The following NAP1L1 variants were observed in gnomAD, a reference collection of about 807,000 sequenced individuals.
The protein encoded by NAP1L1 is nucleosome assembly protein 1 like 1, also known as nucleosome assembly protein 1-like 1.
Under a neutral mutation model 58.9 loss-of-function variants are expected in NAP1L1, and 9 were observed. The observed-to-expected ratio is 0.15, with a 90% CI of 0.09 to 0.27. The LOEUF (loss-of-function observed/expected upper bound fraction) is 0.27, where lower values mean the gene tolerates loss of function less well. Ranked by LOEUF, NAP1L1 falls within the 10% of genes least tolerant of loss-of-function variation. NAP1L1 has a pLI of 1.00. For synonymous variants in NAP1L1, 130 were observed against 138.3 expected (o/e 0.94, Z 0.42); for missense variants, 302 against 458.8 (o/e 0.66, Z 3.12).
In NAP1L1 at chr12:76,044,553, A is replaced by C. The variant is rs1269403603; in HGVS notation, c.*3876T>G. 1 of 152,196 alleles carries C rather than the reference A, an allele frequency of 6.6e-6. No homozygotes were observed. Among genetic ancestry groups the C allele is most frequent in the Non-Finnish European group, 1.5e-5 (1 of 68,030 alleles). 9.4% of individuals were successfully genotyped at this position (152,196 alleles called of 1,614,324 possible). A position where few individuals can be genotyped will look rare whatever the true frequency, so the allele number is the denominator to read the frequency against. On this transcript the variant is annotated 3_prime_UTR_variant, in exon 15 of 15. Coordinates refer to ENST00000618691, the MANE Select transcript of NAP1L1 (RefSeq NM_004537.7). ...CTTGAGGATGACATGGTCGGGCCTC[A>C]ATAAGCCCACTGTAAGTCAAAAATA...
intron 6 of NAP1L1, among the ~76,000 whole-genome samples, chr12:76,058,657 A>AGG (rs1274314349): frequency 3.3e-5 from 5 of 152,144 alleles, no homozygotes; most frequent in African/African-American, 4.8e-5. Flanking sequence ...AAGTGCTGGG[A>AGG]TTACAGGCAT....
rs1326581255 is a variant in NAP1L1, at chr12:76,044,140, A to AAT, written c.*4288_*4289insAT. On this transcript the variant is annotated 3_prime_UTR_variant, in exon 15 of 15. Coordinates refer to ENST00000618691, the MANE Select transcript of NAP1L1 (RefSeq NM_004537.7). ...AACATGGTGAAAACCCATCTCTACTAAAAGTACAAAAATCAGCTGGGCTCA... is the reference window on the plus strand; with the variant it reads ...AACATGGTGAAAACCCATCTCTACTAATAAAGTACAAAAATCAGCTGGGCTCA... The AAT allele has an allele frequency of 1.3e-5, 2 of 152,184 alleles. No homozygotes were observed. The highest frequency in any genetic ancestry group is 2.4e-5 in the African/African-American group (1 of 41,436). 9.4% of individuals were successfully genotyped at this position (152,184 alleles called of 1,614,324 possible). A position where few individuals can be genotyped will look rare whatever the true frequency, so the allele number is the denominator to read the frequency against.
intron 14 of NAP1L1, chr12:76,048,977 TA>T: frequency 1.8e-6 from 1 of 548,130 alleles, no homozygotes; most frequent in Non-Finnish European, 3.2e-6. Context: ...CCTGAAACTA[TA>T]AAAAGCACGA....
At position 76,047,700 on chromosome 12, in the gene NAP1L1, G is replaced by A. The variant is rs1215997545; in HGVS notation, c.*729C>T. 1 of 151,916 alleles carries A rather than the reference G, an allele frequency of 6.6e-6. No individual in the cohort carries two copies. Among genetic ancestry groups the A allele is most frequent in the East Asian group, 1.9e-4 (1 of 5,194 alleles). 9.4% of individuals were successfully genotyped at this position (151,916 alleles called of 1,614,324 possible). A position where few individuals can be genotyped will look rare whatever the true frequency, so the allele number is the denominator to read the frequency against. On this transcript the variant is annotated 3_prime_UTR_variant, in exon 15 of 15. Transcript: ENST00000618691. ...AAATGATGTAAATTCATCCTTTCCA[G>A]GGAAGCAGAAGGTAGACCCTACCAC... is the stretch of plus-strand genomic sequence containing the variant.
intron 4 of NAP1L1, among the ~76,000 whole-genome samples, chr12:76,066,829 G>A (rs1490119513): frequency 6.6e-6 from 1 of 152,000 alleles, no homozygotes; most frequent in Non-Finnish European, 1.5e-5. Flanking sequence ...TCCTTTACAG[G>A]ACATGTACAA....
At chr12:76,078,289 T>G (rs1188416086) in intron 1 of NAP1L1, among the ~76,000 whole-genome samples, 1 of 152,044 alleles carries the variant, frequency 6.6e-6, no homozygotes, top group African/African-American at 2.4e-5. Flanking sequence ...AAGAATAAAT[T>G]CATTCTCCTG....
chr12:76,071,010 CAA>C (rs919373906), intron 2 of NAP1L1, among the ~76,000 whole-genome samples: 49 of 152,222 alleles, frequency 3.2e-4, no homozygotes, highest in African/African-American at 1.1e-3. Context: ...CTATTAAAAA[CAA>C]AACAAACAAA....
intron 4 of NAP1L1, among the ~76,000 whole-genome samples, chr12:76,066,120 A>AT (rs1949656711): frequency 8.5e-6 from 1 of 117,880 alleles, no homozygotes; most frequent in Non-Finnish European, 1.7e-5. Context: ...AAATAAATAA[A>AT]TAAATAAATA....
chr12:76,077,327 T>C (rs1261593672), intron 1 of NAP1L1, among the ~76,000 whole-genome samples: 4 of 152,200 alleles, frequency 2.6e-5, no homozygotes, highest in Non-Finnish European at 2.9e-5. Flanking sequence ...TAGACCTAAT[T>C]TTCTAGTCAG....
rs969876686 is a variant in NAP1L1 at position 76,047,074 on chromosome 12, T to C, written c.*1355A>G. The stretch of plus-strand genomic sequence containing the variant: ...ATCCAGAACAGAGGTACTTAACACC[T>C]TTGTTTTCCAGTTTAGTTATCAAAG... On this transcript the variant is annotated 3_prime_UTR_variant, in exon 15 of 15. Coordinates refer to ENST00000618691, the MANE Select transcript of NAP1L1 (RefSeq NM_004537.7). 2.0e-5 allele frequency: 3 copies of C among 152,484 alleles called. No individual in the cohort carries two copies. Among genetic ancestry groups the C allele is most frequent in the Non-Finnish European group, 2.9e-5 (2 of 67,920 alleles). 9.4% of individuals were successfully genotyped at this position (152,484 alleles called of 1,614,324 possible).
intron 11 of NAP1L1, among the ~76,000 whole-genome samples, chr12:76,051,300 AAAT>A (rs1302740324): frequency 1.1e-4 from 16 of 151,258 alleles, no homozygotes; most frequent in Admixed American, 4.0e-4. Flanking sequence ...TTTCCTTTTA[AAAT>A]ATTATTGAAA....
At chr12:76,056,189 T>C (rs1949075297) in intron 6 of NAP1L1, 28 bp from the exon 7 acceptor site, 1 of 1,600,360 alleles carries the variant, frequency 6.2e-7, no homozygotes. Flanking sequence ...AAACATTATT[T>C]AATACATAGA....
Position 76,059,729 on chromosome 12 carries a change from G to A in NAP1L1, c.429+69C>T, listed in dbSNP as rs533681689. On this transcript the variant is annotated intron_variant, in intron 6 of 14. Transcript: ENST00000618691. ...ATAATATTGTACTCCATCATTAAAT[G>A]CTAACATTTCTGACAAGTCCTAAGA... 9.0e-6 allele frequency: 10 copies of A among 1,107,806 alleles called. No homozygotes were observed. In the South Asian group the frequency reaches 1.4e-4, roughly 15 times the overall value. 68.6% of individuals were successfully genotyped at this position (1,107,806 alleles called of 1,614,324 possible). A position where few individuals can be genotyped will look rare whatever the true frequency, so the allele number is the denominator to read the frequency against.
intron 2 of NAP1L1, among the ~76,000 whole-genome samples, chr12:76,072,408 G>A (rs1949996845): frequency 6.6e-6 from 1 of 151,648 alleles, no homozygotes; most frequent in Admixed American, 6.6e-5. Flanking sequence ...GTTCTGTCCA[G>A]AAAGAAGAGC....
chr12:76,049,899 C>T lies in NAP1L1; in HGVS notation c.1060-114G>A. The T allele has an allele frequency of 2.7e-6, 3 of 1,097,974 alleles. No homozygotes were observed. In the South Asian group the frequency reaches 4.0e-5, roughly 15 times the overall value. The allele number at this position is 1,097,974 out of a possible 1,614,324, so 68.0% of individuals were successfully genotyped here. A position where few individuals can be genotyped will look rare whatever the true frequency, so the allele number is the denominator to read the frequency against. ...TGTCTAAAAAGAGAAAACCTACTTTCCTATCAAGGGGCTGATTATAAATTA... is the reference window on the plus strand; with the variant it reads ...TGTCTAAAAAGAGAAAACCTACTTTTCTATCAAGGGGCTGATTATAAATTA... On this transcript the variant is annotated intron_variant, in intron 12 of 14. Coordinates refer to ENST00000618691, the MANE Select transcript of NAP1L1 (RefSeq NM_004537.7).
In NAP1L1 at chr12:76,052,270, A is replaced by C. The variant is rs140686336; in HGVS notation, c.936+821T>G. On this transcript the variant is annotated intron_variant, in intron 11 of 14. Transcript: ENST00000618691. ...AGTAACAAACAAACAAACAAACAAA[A>C]AAAAACCCCAAACTTGAACACAAAC... 3.9e-4 allele frequency among the ~76,000 whole-genome samples: 59 copies of C among 152,198 alleles called. 1 individual carries two copies. In the East Asian group the frequency reaches 5.2e-3, roughly 13 times the overall value.
chr12:76,065,020 C>CACAT (rs1435320615), intron 4 of NAP1L1, among the ~76,000 whole-genome samples: 1 of 152,060 alleles, frequency 6.6e-6, no homozygotes, highest in Non-Finnish European at 1.5e-5. Context: ...TTTCTTTATG[C>CACAT]ACATACATAC....
intron 6 of NAP1L1, chr12:76,056,628 T>A (rs1949103033): frequency 2.2e-6 from 1 of 455,936 alleles, no homozygotes; most frequent in Non-Finnish European, 4.4e-6. Context: ...GCAAGTCACT[T>A]AGAAGCCTCC....
intron 1 of NAP1L1, among the ~76,000 whole-genome samples, chr12:76,080,019 C>A (rs1308678573): frequency 1.3e-5 from 2 of 152,106 alleles, no homozygotes; most frequent in Non-Finnish European, 2.9e-5. Context: ...CTAAACTGAA[C>A]TAAAAACAAA....
Sources: gnomAD v4.1 joint callset for allele counts (sites outside exome capture counted in the v4.1 genomes callset) on GRCh38, gnomAD v4.1.1 for gene constraint, MANE v1.5 for transcripts, NCBI Gene and HGNC (gene_info 2026-07-23, HGNC 2026-07-21) for gene names.